The following HDAC7 variants were observed in gnomAD, a reference collection of about 807,000 sequenced individuals.
HDAC7 encodes histone deacetylase 7A.
In HDAC7, 26 loss-of-function variants were observed where a neutral mutation model predicts 115.5. The ratio of observed to expected loss-of-function variants is 0.23; its 90% CI spans 0.16 to 0.31. HDAC7 has a LOEUF of 0.31. Ranked by LOEUF, HDAC7 falls within the 10% of genes least tolerant of loss-of-function variation. The probability of loss-of-function intolerance (pLI) is 1.00; values close to 1 mark genes in which losing one functional copy is unlikely to be tolerated. For missense variants in HDAC7, 1,068 were observed against 1,329.0 expected (o/e 0.80, Z 3.05); for synonymous variants, 564 against 550.9 (o/e 1.02, Z -0.33).
At chr12:47,785,090 A>T (rs752919243) in intron 24 of HDAC7, 43 of 552,448 alleles carry the variant, frequency 7.8e-5, no homozygotes, top group Middle Eastern at 4.8e-4. Flanking sequence ...ACAAGGCCTG[A>T]GTGTTGCTCT....
intron 1 of HDAC7, among the ~76,000 whole-genome samples, chr12:47,809,370 C>G (rs945065047): frequency 1.3e-5 from 2 of 152,124 alleles, no homozygotes; most frequent in African/African-American, 2.4e-5. Flanking sequence ...CTCACCTGTG[C>G]CACCCACAAG....
In HDAC7 at chr12:47,791,957, C is replaced by T; in HGVS notation, c.1726G>A (p.Asp576Asn). Reference sequence around the variant, plus strand: ...GCGTGCTCCGGGTGCCTGCTGTTGTCACCGCAGGAGCACTGGTGCTTCAGC... The same window carrying T: ...GCGTGCTCCGGGTGCCTGCTGTTGTTACCGCAGGAGCACTGGTGCTTCAGC... ...VMLKHQCSCG[D>N]NSRHPEHAGR... Residue 576 changes from aspartate (D) to asparagine (N), a missense_variant, in exon 14 of 26, where the codon GAC becomes AAC. This residue lies in a region of HDAC7 where 618 missense variants were observed against 701.5 expected (regional missense o/e 0.88). Coordinates refer to ENST00000080059, the MANE Select transcript of HDAC7 (RefSeq NM_015401.5). 6.2e-7 allele frequency: 1 copy of T among 1,611,654 alleles called. No homozygotes were observed. Among genetic ancestry groups the T allele is most frequent in the Non-Finnish European group, 8.5e-7 (1 of 1,179,424 alleles).
At chr12:47,786,990 T>A (rs1427578773) in intron 21 of HDAC7, among the ~76,000 whole-genome samples, 1 of 152,148 alleles carries the variant, frequency 6.6e-6, no homozygotes, top group African/African-American at 2.4e-5. Context: ...ACCATGTGTG[T>A]GTGCATGTGT....
Position 47,810,804 on chromosome 12 carries a change from G to GTCTCTCTCTC in HDAC7, c.20-8540_20-8531dup, listed in dbSNP as rs60132211. On this transcript the variant is annotated intron_variant, in intron 1 of 25. Transcript: ENST00000080059. Reference sequence around the variant, plus strand: ...GGGTAAATTCTCTTGGGAGGAAAAGGTCTCTCTCTCTCTCTCTCTCTCTCT... The same window carrying GTCTCTCTCTC: ...GGGTAAATTCTCTTGGGAGGAAAAGGTCTCTCTCTCTCTCTCTCTCTCTCTCTCTCTCTCT... 4.0e-3 allele frequency among the ~76,000 whole-genome samples: 523 copies of GTCTCTCTCTC among 131,542 alleles called. 7 individuals carry two copies. Among genetic ancestry groups the GTCTCTCTCTC allele is most frequent in the South Asian group, 6.1e-3 (23 of 3,776 alleles). 86.3% of individuals were successfully genotyped at this position (131,542 alleles called of 152,430 possible). A position where few individuals can be genotyped will look rare whatever the true frequency, so the allele number is the denominator to read the frequency against.
intron 1 of HDAC7, among the ~76,000 whole-genome samples, chr12:47,810,690 C>T (rs776823543): frequency 3.3e-5 from 5 of 152,204 alleles, no homozygotes; most frequent in African/African-American, 4.8e-5. Flanking sequence ...GAGGATCAAA[C>T]GCTGCGTGAG....
Position 47,793,335 on chromosome 12 carries a change from CTCCCT to C in HDAC7, c.1678+29_1678+33del. 26 of 1,332,022 alleles carry C rather than the reference CTCCCT, an allele frequency of 2.0e-5. No homozygotes were observed. The highest frequency in any genetic ancestry group is 2.7e-5 in the Non-Finnish European group (26 of 975,422). 82.5% of individuals were successfully genotyped at this position (1,332,022 alleles called of 1,614,324 possible). On this transcript the variant is annotated intron_variant, in intron 13 of 25. Transcript: ENST00000080059. The surrounding 1 kb of genome is among the most constrained non-coding windows in gnomAD (Gnocchi z 4.5). ...CACATGGACTCGTGCAGCCGAGCCC[CTCCCT>C]CCACCCGCCACCCTCCTCCCGGTCT...
chr12:47,789,163 A>C (rs1943338558), intron 19 of HDAC7, 98 bp downstream of exon 19: 68 of 854,706 alleles, frequency 8.0e-5, no homozygotes, highest in Non-Finnish European at 1.2e-4. Context: ...CAGAGAGGCT[A>C]CTGCAGAACT....
intron 18 of HDAC7, 80 bp downstream of exon 18, chr12:47,789,443 A>G: frequency 6.4e-7 from 1 of 1,572,924 alleles, no homozygotes; most frequent in Middle Eastern, 1.8e-4. Context: ...AGCTCAGGGA[A>G]GAAGAGAGAA....
At chr12:47,809,208 G>A (rs1944542444) in intron 1 of HDAC7, among the ~76,000 whole-genome samples, 1 of 152,078 alleles carries the variant, frequency 6.6e-6, no homozygotes, top group Non-Finnish European at 1.5e-5. Flanking sequence ...CCCCTCTGAG[G>A]TGTCACACTC....
In HDAC7 at chr12:47,797,420, T is replaced by C. The variant is rs753146443; in HGVS notation, c.541A>G (p.Ser181Gly). The C allele has an allele frequency of 3.1e-6, 5 of 1,614,080 alleles. No individual in the cohort carries two copies. Among genetic ancestry groups the C allele is most frequent in the Non-Finnish European group, 4.2e-6 (5 of 1,180,000 alleles). Residue 181 changes from serine to glycine, a missense_variant, in exon 6 of 26, where the codon AGT becomes GGT. Physicochemically the swap from Ser to Gly is moderately conservative, Grantham distance 56. Coordinates refer to ENST00000080059, the MANE Select transcript of HDAC7 (RefSeq NM_015401.5). The surrounding 1 kb of genome is among the most constrained non-coding windows in gnomAD (Gnocchi z 5.5). The stretch of plus-strand genomic sequence containing the variant: ...AGAGGGAAGTGCTCTGGGGGGTCAC[T>C]GGGCAGGCTGGGAACAGGAGGCAAA... ...SFLPPVPSLP[S>G]DPPEHFPLRK...
Position 47,798,487 on chromosome 12 carries a change from C to A in HDAC7, c.349+75G>T. The A allele has an allele frequency of 1.5e-6, 2 of 1,376,942 alleles. No individual in the cohort carries two copies. Among genetic ancestry groups the A allele is most frequent in the Non-Finnish European group, 2.1e-6 (2 of 972,914 alleles). The allele number at this position is 1,376,942 out of a possible 1,614,324, so 85.3% of individuals were successfully genotyped here. On this transcript the variant is annotated intron_variant, in intron 4 of 25. Coordinates refer to ENST00000080059, the MANE Select transcript of HDAC7 (RefSeq NM_015401.5). This position sits in a 1 kb window ranked among gnomAD's most constrained non-coding sequence, Gnocchi z 4.3. ...CTGGCTGCGGCCCTCCCACCTCACC[C>A]CTCACAAGCCACACAGGCAGCCGCA... is the stretch of plus-strand genomic sequence containing the variant.
Position 47,802,557 on chromosome 12 carries a change from C to G in HDAC7, c.20-283G>C, listed in dbSNP as rs190129215. 10,309 of 1,351,838 alleles carry G rather than the reference C, an allele frequency of 7.6e-3. 53 individuals carry two copies. The highest frequency in any genetic ancestry group is 9.2e-3 in the Non-Finnish European group (8,937 of 970,252). The allele number at this position is 1,351,838 out of a possible 1,614,324, so 83.7% of individuals were successfully genotyped here. A position where few individuals can be genotyped will look rare whatever the true frequency, so the allele number is the denominator to read the frequency against. Reference sequence around the variant, plus strand: ...GCAAGAACCTAAGGAGGCCTCAGCTCACCCAGCAGTGCCCTCAGCCCTCCC... The same window carrying G: ...GCAAGAACCTAAGGAGGCCTCAGCTGACCCAGCAGTGCCCTCAGCCCTCCC... On this transcript the variant is annotated intron_variant, in intron 1 of 25. Transcript: ENST00000080059.
At chr12:47,785,361 A>C (rs765512172) in intron 24 of HDAC7, 26 bp downstream of exon 24, 12 of 1,578,840 alleles carry the variant, frequency 7.6e-6, no homozygotes, top group Non-Finnish European at 1.0e-5. Flanking sequence ...GTCTGAGCTC[A>C]GCGAGTGTCC....
chr12:47,790,705 G>C (rs1943443773), intron 16 of HDAC7: 1 of 168,478 alleles, frequency 5.9e-6, no homozygotes, highest in African/African-American at 2.4e-5. Context: ...TAGGCGAGGA[G>C]AGCTGAGCCG....
rs1435284467 is a variant in HDAC7 at position 47,802,603 on chromosome 12, T to G, written c.20-329A>C. The G allele has an allele frequency of 5.9e-6, 5 of 846,580 alleles. No homozygotes were observed. The East Asian group carries it at 1.1e-4, about 19-fold the overall frequency. 52.4% of individuals were successfully genotyped at this position (846,580 alleles called of 1,614,324 possible). A position where few individuals can be genotyped will look rare whatever the true frequency, so the allele number is the denominator to read the frequency against. On this transcript the variant is annotated intron_variant, in intron 1 of 25. Transcript: ENST00000080059. Reference sequence around the variant, plus strand: ...CTCCCTCCTGTGGTCAGATACAATCTTCCCTGGGCAGCCAAACCAGGCTCC... The same window carrying G: ...CTCCCTCCTGTGGTCAGATACAATCGTCCCTGGGCAGCCAAACCAGGCTCC...
At chr12:47,802,514 A>G in intron 1 of HDAC7, 4 of 1,549,382 alleles carry the variant, frequency 2.6e-6, no homozygotes, top group Non-Finnish European at 3.5e-6. Context: ...ATTCTAAATG[A>G]CTTGAACTCA....
chr12:47,795,070 AT>A lies in HDAC7; in HGVS notation c.1284+113del. The A allele has an allele frequency of 7.6e-7, 1 of 1,315,710 alleles. No homozygotes were observed. Among genetic ancestry groups the A allele is most frequent in the Non-Finnish European group, 1.1e-6 (1 of 941,986 alleles). 81.5% of individuals were successfully genotyped at this position (1,315,710 alleles called of 1,614,324 possible). ...GCAGCTCTGGGCCCCAAGAAGCCACATCCCCCTCTTTTGCCCTCCAGTTCCC... is the reference window on the plus strand; with the variant it reads ...GCAGCTCTGGGCCCCAAGAAGCCACACCCCCTCTTTTGCCCTCCAGTTCCC... On this transcript the variant is annotated intron_variant, in intron 11 of 25. Coordinates refer to ENST00000080059, the MANE Select transcript of HDAC7 (RefSeq NM_015401.5). The surrounding 1 kb of genome is among the most constrained non-coding windows in gnomAD (Gnocchi z 4.3).
chr12:47,805,832 G>T (rs1011484654), intron 1 of HDAC7, among the ~76,000 whole-genome samples: 1 of 152,158 alleles, frequency 6.6e-6, no homozygotes, highest in African/African-American at 2.4e-5. Context: ...GAAACCCAAA[G>T]GTCAACCCCA....
At chr12:47,810,996 TG>T (rs1327748324) in intron 1 of HDAC7, among the ~76,000 whole-genome samples, 2 of 151,914 alleles carry the variant, frequency 1.3e-5, no homozygotes, top group Admixed American at 6.6e-5. Context: ...TCCCTGGATC[TG>T]GGGCAGAGGA....
Sources: allele counts gnomAD v4.1 joint callset (sites outside exome capture counted in the v4.1 genomes callset), GRCh38; gene constraint gnomAD v4.1.1; regional missense constraint gnomAD v4.1.1; non-coding constraint Gnocchi (gnomAD v3.1); transcripts MANE v1.5; gene names NCBI Gene and HGNC (gene_info 2026-07-23, HGNC 2026-07-21).